Variants in CTIF observed in about 807,000 individuals in gnomAD.
The protein encoded by CTIF is cap binding complex dependent translation initiation factor, also known as CBP80/20-dependent translation initiation factor.
In CTIF, 21 loss-of-function variants were observed where a neutral mutation model predicts 66.0. That is an observed-to-expected ratio of 0.32 (90% CI 0.23 to 0.46). The LOEUF (loss-of-function observed/expected upper bound fraction) is 0.46. Among genes scored for constraint, CTIF ranks in the 20% least tolerant of loss-of-function variants. The pLI, the probability that CTIF is intolerant of heterozygous loss-of-function variation, is 1.00. For synonymous variants in CTIF, 345 were observed against 326.4 expected (o/e 1.06, Z -0.62); for missense variants, 739 against 812.7 (o/e 0.91, Z 1.10).
chr18:48,640,746 C>T (rs1008309208), intron 3 of CTIF, among the ~76,000 whole-genome samples: 12 of 152,202 alleles, frequency 7.9e-5, no homozygotes, highest in African/African-American at 2.9e-4. Flanking sequence ...GGCCCAGGGC[C>T]CAGATGTGGC....
chr18:48,778,141 A>G (rs1414495820), intron 9 of CTIF, among the ~76,000 whole-genome samples: 2 of 152,178 alleles, frequency 1.3e-5, no homozygotes, highest in East Asian at 1.9e-4. Context: ...CAAACAGCCC[A>G]CAGGGCCTCA....
intron 3 of CTIF, among the ~76,000 whole-genome samples, chr18:48,653,485 C>G (rs1016164995): frequency 6.6e-6 from 1 of 152,150 alleles, no homozygotes; most frequent in African/African-American, 2.4e-5. Context: ...AGGACACAAA[C>G]AAATGGAAGA....
chr18:48,648,468 AACACAC>A (rs150332855), intron 3 of CTIF, among the ~76,000 whole-genome samples: 6 of 148,574 alleles, frequency 4.0e-5, no homozygotes, highest in African/African-American at 7.4e-5. Context: ...CTTCGTTCTG[AACACAC>A]ACACACACAC....
intron 10 of CTIF, among the ~76,000 whole-genome samples, chr18:48,838,235 A>G (rs1347116976): frequency 6.6e-6 from 1 of 152,222 alleles, no homozygotes; most frequent in African/African-American, 2.4e-5. Flanking sequence ...ACCCCGGCAC[A>G]TCAACAGCCC....
At chr18:48,689,526 C>CT (rs2145242079) in intron 6 of CTIF, among the ~76,000 whole-genome samples, 1 of 152,272 alleles carries the variant, frequency 6.6e-6, no homozygotes, top group South Asian at 2.1e-4. Context: ...AGGGTAATGT[C>CT]TAACAGCCAA....
chr18:48,721,398 T>G (rs753704021), intron 7 of CTIF, among the ~76,000 whole-genome samples: 8 of 152,132 alleles, frequency 5.3e-5, no homozygotes, highest in Non-Finnish European at 1.0e-4. Flanking sequence ...AGGTCTAGTC[T>G]CTACTGAAAT....
At chr18:48,619,884 A>C in intron 2 of CTIF, 139 bp downstream of exon 2, 2 of 868,836 alleles carry the variant, frequency 2.3e-6, no homozygotes, top group Non-Finnish European at 3.2e-6. Context: ...AGCACCCAGA[A>C]TCTGGCAGGT....
At chr18:48,805,736 G>A (rs2068133196) in intron 9 of CTIF, among the ~76,000 whole-genome samples, 1 of 152,224 alleles carries the variant, frequency 6.6e-6, no homozygotes, top group Non-Finnish European at 1.5e-5. Context: ...AATATCAGGA[G>A]TGAACTGTCA....
At chr18:48,840,624 G>A (rs2068917798) in intron 10 of CTIF, among the ~76,000 whole-genome samples, 1 of 152,150 alleles carries the variant, frequency 6.6e-6, no homozygotes, top group African/African-American at 2.4e-5. Context: ...CCTTTTCTCA[G>A]CCCAGGCCTG....
At chr18:48,625,763 G>C (rs967870365) in intron 2 of CTIF, among the ~76,000 whole-genome samples, 1 of 152,152 alleles carries the variant, frequency 6.6e-6, no homozygotes, top group Non-Finnish European at 1.5e-5. Flanking sequence ...TTAATGGTAG[G>C]CACTCAGGTT....
At chr18:48,631,023 T>C (rs28429032) in intron 2 of CTIF, among the ~76,000 whole-genome samples, 10,140 of 152,234 alleles carry the variant, frequency 0.067, 365 homozygotes, top group Middle Eastern at 0.092. Context: ...AGGGCTGGTC[T>C]CTTGGAGGAG....
intron 1 of CTIF, among the ~76,000 whole-genome samples, chr18:48,610,064 G>T (rs2144275755): frequency 6.6e-6 from 1 of 152,308 alleles, no homozygotes; most frequent in East Asian, 1.9e-4. Flanking sequence ...TGGGCGGGCT[G>T]GGGGAGCCAC....
chr18:48,664,344 T>G, intron 4 of CTIF, 103 bp from the exon 5 acceptor site: 1 of 1,050,468 alleles, frequency 9.5e-7, no homozygotes, highest in Non-Finnish European at 1.4e-6. Flanking sequence ...GGCGGCTCCT[T>G]TCTGCGGATC....
intron 7 of CTIF, among the ~76,000 whole-genome samples, chr18:48,715,078 A>G (rs2092266759): frequency 6.6e-6 from 1 of 152,162 alleles, no homozygotes. Flanking sequence ...GCGGGCCGCT[A>G]GGATCAATTG....
At chr18:48,589,104 G>T (rs2089835366) in intron 1 of CTIF, among the ~76,000 whole-genome samples, 1 of 152,210 alleles carries the variant, frequency 6.6e-6, no homozygotes, top group Admixed American at 6.5e-5. Flanking sequence ...TTGGAGGTTT[G>T]TGGCAGGGAC....
Position 48,704,790 on chromosome 18 carries a change from A to G in CTIF, c.508-6829A>G, listed in dbSNP as rs577119257. 3.9e-5 allele frequency among the ~76,000 whole-genome samples: 6 copies of G among 152,336 alleles called. No individual in the cohort carries two copies. In the South Asian group the frequency reaches 1.0e-3, roughly 26 times the overall value. ...AGTAGCCCTCTTTCCCAATCAGGCCATTCAGAGGAACCAGGGGTTAAGACT... is the reference window on the plus strand; with the variant it reads ...AGTAGCCCTCTTTCCCAATCAGGCCGTTCAGAGGAACCAGGGGTTAAGACT... On this transcript the variant is annotated intron_variant, in intron 6 of 11. Coordinates refer to ENST00000256413, the MANE Select transcript of CTIF (RefSeq NM_014772.3).
At chr18:48,826,394 G>C (rs1423579276) in intron 10 of CTIF, 2 of 152,222 alleles carry the variant, frequency 1.3e-5, no homozygotes, top group African/African-American at 4.8e-5. Flanking sequence ...TGCTCCACTT[G>C]TATTTCCATA....
intron 1 of CTIF, among the ~76,000 whole-genome samples, chr18:48,605,258 G>T (rs2090181660): frequency 6.6e-6 from 1 of 152,142 alleles, no homozygotes; most frequent in Admixed American, 6.5e-5. Flanking sequence ...CAGTGTTTGA[G>T]GACTCCAGTT....
At chr18:48,722,402 A>T (rs2092346893) in intron 7 of CTIF, among the ~76,000 whole-genome samples, 5 of 151,726 alleles carry the variant, frequency 3.3e-5, no homozygotes, top group Admixed American at 3.3e-4. Context: ...TTTTTATTTT[A>T]TAGAGACAGG....
Sources: gnomAD v4.1 joint callset for allele counts (sites outside exome capture counted in the v4.1 genomes callset) on GRCh38, gnomAD v4.1.1 for gene constraint, MANE v1.5 for transcripts, NCBI Gene and HGNC (gene_info 2026-07-23, HGNC 2026-07-21) for gene names.